Variants in OPCML observed in about 807,000 individuals in gnomAD.
The protein encoded by OPCML is opioid-binding protein/cell adhesion molecule.
A neutral mutation model predicts 37.8 loss-of-function variants in OPCML; 13 were observed. That is an observed-to-expected ratio of 0.34 (90% CI 0.22 to 0.55). The LOEUF (loss-of-function observed/expected upper bound fraction) is 0.55, where lower values mean the gene tolerates loss of function less well. Ranked by LOEUF, OPCML falls within the 20% of genes least tolerant of loss-of-function variation. The pLI is 0.91. For synonymous variants in OPCML, 176 were observed against 168.8 expected, an observed-to-expected ratio of 1.04 and a Z score of -0.33; for missense variants, 341 against 435.6, an observed-to-expected ratio of 0.78 and a Z score of 1.93.
intron 2 of OPCML, among the ~76,000 whole-genome samples, chr11:132,828,248 G>T (rs1399508120): frequency 6.6e-6 from 1 of 152,116 alleles, no homozygotes; most frequent in Non-Finnish European, 1.5e-5. Context: ...GGCAGGAAGG[G>T]ATGAGCGCGT....
At chr11:132,696,690 G>C (rs985200880) in intron 2 of OPCML, among the ~76,000 whole-genome samples, 1 of 152,014 alleles carries the variant, frequency 6.6e-6, no homozygotes, top group African/African-American at 2.4e-5. Flanking sequence ...AGCACTGCTC[G>C]TATCAGATAG....
At chr11:133,325,027 T>C (rs1389136328) in intron 1 of OPCML, among the ~76,000 whole-genome samples, 1 of 152,342 alleles carries the variant, frequency 6.6e-6, no homozygotes, top group South Asian at 2.1e-4. Flanking sequence ...TACCACGTTC[T>C]ATATTCTGGG....
intron 1 of OPCML, among the ~76,000 whole-genome samples, chr11:133,413,697 T>C (rs1430081699): frequency 6.6e-6 from 1 of 152,140 alleles, no homozygotes. Context: ...TTGTCCTCCT[T>C]AACTCCAAGC....
chr11:133,242,065 T>C (rs1045223015), intron 1 of OPCML, among the ~76,000 whole-genome samples: 4 of 152,212 alleles, frequency 2.6e-5, no homozygotes, highest in Non-Finnish European at 5.9e-5. Context: ...TTATGACATA[T>C]GGCAGCTAAA....
chr11:133,338,355 T>A (rs1397357434), intron 1 of OPCML, among the ~76,000 whole-genome samples: 1 of 152,096 alleles, frequency 6.6e-6, no homozygotes, highest in Non-Finnish European at 1.5e-5. Context: ...CGATGCCATA[T>A]TGACTGGGGC....
chr11:132,437,388 A>G (rs2096016882), intron 4 of OPCML, 29 bp from the exon 5 acceptor site: 3 of 1,611,446 alleles, frequency 1.9e-6, no homozygotes, highest in Non-Finnish European at 2.5e-6. Context: ...ACAGGAAACA[A>G]TCAGGAAACT....
At chr11:132,591,216 G>A (rs529936284) in intron 3 of OPCML, among the ~76,000 whole-genome samples, 19 of 152,122 alleles carry the variant, frequency 1.2e-4, no homozygotes, top group Non-Finnish European at 2.2e-4. Context: ...TGATTATGGC[G>A]CCACAGACAG....
intron 2 of OPCML, among the ~76,000 whole-genome samples, chr11:132,821,829 G>T (rs908121272): frequency 2.0e-5 from 3 of 151,898 alleles, no homozygotes; most frequent in Non-Finnish European, 4.4e-5. Context: ...AGCCTTGGTG[G>T]GTCCTGCCTC....
chr11:133,318,707 G>A (rs1029647315), intron 1 of OPCML, among the ~76,000 whole-genome samples: 6 of 152,094 alleles, frequency 3.9e-5, no homozygotes, highest in African/African-American at 1.4e-4. Flanking sequence ...TAATGAGCAC[G>A]CTACAGCGGT....
chr11:133,390,265 C>A (rs1205192852), intron 1 of OPCML, among the ~76,000 whole-genome samples: 1 of 152,106 alleles, frequency 6.6e-6, no homozygotes, highest in Non-Finnish European at 1.5e-5. Context: ...CGAGACCATC[C>A]TGGCTAATAC....
chr11:133,157,029 C>G (rs750581588), intron 1 of OPCML, among the ~76,000 whole-genome samples: 1 of 151,996 alleles, frequency 6.6e-6, no homozygotes, highest in Non-Finnish European at 1.5e-5. Context: ...CTTACAGCCA[C>G]GGAGATACGA....
intron 4 of OPCML, among the ~76,000 whole-genome samples, chr11:132,501,473 C>A (rs1300178026): frequency 1.3e-5 from 2 of 152,170 alleles, no homozygotes; most frequent in African/African-American, 4.8e-5. Flanking sequence ...CTTTACCTCT[C>A]CCTTTGGGAA....
At chr11:132,481,779 T>A (rs1249389717) in intron 4 of OPCML, among the ~76,000 whole-genome samples, 1 of 150,560 alleles carries the variant, frequency 6.6e-6, no homozygotes, top group Non-Finnish European at 1.5e-5. Flanking sequence ...TCAAAACCAC[T>A]CAACTACATG....
At chr11:132,909,433 T>A (rs1436593114) in intron 2 of OPCML, among the ~76,000 whole-genome samples, 1 of 152,230 alleles carries the variant, frequency 6.6e-6, no homozygotes, top group Non-Finnish European at 1.5e-5. Context: ...GCTGGAATGC[T>A]TCTGCATGCT....
intron 7 of OPCML, among the ~76,000 whole-genome samples, chr11:132,434,476 G>A (rs534491480): frequency 1.8e-4 from 28 of 152,238 alleles, no homozygotes; most frequent in African/African-American, 6.0e-4. Flanking sequence ...TGCTGACGCT[G>A]TGGGCAAATG....
chr11:132,709,542 C>T (rs1261483798), intron 2 of OPCML, among the ~76,000 whole-genome samples: 1 of 152,188 alleles, frequency 6.6e-6, no homozygotes, highest in Non-Finnish European at 1.5e-5. Flanking sequence ...GTAGTAGTGT[C>T]TTGGACTTTC....
intron 1 of OPCML, among the ~76,000 whole-genome samples, chr11:133,001,242 T>C (rs1946995970): frequency 6.6e-6 from 1 of 152,168 alleles, no homozygotes; most frequent in African/African-American, 2.4e-5. Flanking sequence ...GAGTCCCTAT[T>C]TCAAATGTTT....
At chr11:133,434,890 T>C (rs931716214) in intron 1 of OPCML, among the ~76,000 whole-genome samples, 35 of 148,994 alleles carry the variant, frequency 2.3e-4, no homozygotes, top group African/African-American at 8.3e-4. Flanking sequence ...ATACATACTT[T>C]TTAAAATAAC....
chr11:132,479,235 C>T (rs2096168889), intron 4 of OPCML, among the ~76,000 whole-genome samples: 1 of 152,154 alleles, frequency 6.6e-6, no homozygotes, highest in Non-Finnish European at 1.5e-5. Flanking sequence ...TCAGGGAGTT[C>T]CCTTTCCTAG....
Sources: gnomAD v4.1 joint callset for allele counts (sites outside exome capture counted in the v4.1 genomes callset) on GRCh38, gnomAD v4.1.1 for gene constraint, MANE v1.5 for transcripts, NCBI Gene and HGNC (gene_info 2026-07-23, HGNC 2026-07-21) for gene names.